Variants in ARL15 observed in about 807,000 individuals in gnomAD.
ARL15 encodes the protein ADP-ribosylation factor-like protein 15.
A neutral mutation model predicts 25.2 loss-of-function variants in ARL15; 19 were observed. The observed-to-expected ratio is 0.75, with a 90% CI of 0.53 to 1.10. The LOEUF (loss-of-function observed/expected upper bound fraction) is 1.10, where lower values mean the gene tolerates loss of function less well. Among genes scored for constraint, ARL15 ranks in the 50% least tolerant of loss-of-function variants. The pLI is 0.00. For synonymous variants in ARL15, 94 were observed against 86.8 expected (o/e 1.08, Z -0.46); for missense variants, 220 against 246.0 (o/e 0.89, Z 0.71).
chr5:54,054,911 C>T (rs983271556), intron 4 of ARL15, among the ~76,000 whole-genome samples: 3 of 152,178 alleles, frequency 2.0e-5, no homozygotes, highest in Non-Finnish European at 4.4e-5. Context: ...TTTCCAGTCA[C>T]ACCAAACTTC....
chr5:54,113,560 G>C, intron 3 of ARL15, 150 bp from the exon 4 acceptor site: 1 of 755,916 alleles, frequency 1.3e-6, no homozygotes, highest in Non-Finnish European at 2.1e-6. Context: ...ATTTAGAAAA[G>C]GCAGAAATCA....
intron 4 of ARL15, among the ~76,000 whole-genome samples, chr5:53,905,897 T>C (rs766843942): frequency 2.2e-4 from 34 of 152,140 alleles, no homozygotes; most frequent in Admixed American, 6.5e-4. Context: ...TAGTTCCTGA[T>C]ACCCTGTCAC....
rs3836819 is a variant in ARL15, at chr5:54,025,649, A to ATTTGTTTG, written c.462+87545_462+87552dup. Among the ~76,000 whole-genome samples the ATTTGTTTG allele has an allele frequency of 4.0e-4, 61 of 151,116 alleles. 1 individual carries two copies. The highest frequency in any genetic ancestry group is 1.7e-3 in the South Asian group (8 of 4,798). ...AAAGATCCTATGCTACTGGCAAGTT[A>ATTTGTTTG]TTTGTTTGTTTGTTTGTTTGTTTGT... On this transcript the variant is annotated intron_variant, in intron 4 of 4. Transcript: ENST00000504924.
intron 2 of ARL15, among the ~76,000 whole-genome samples, chr5:54,164,033 C>T (rs1182863412): frequency 6.6e-6 from 1 of 151,930 alleles, no homozygotes; most frequent in Non-Finnish European, 1.5e-5. Flanking sequence ...ATAAACTTTT[C>T]TTAAAGTCCC....
intron 4 of ARL15, among the ~76,000 whole-genome samples, chr5:54,097,373 C>T (rs1238508806): frequency 1.3e-5 from 2 of 151,820 alleles, no homozygotes; most frequent in Non-Finnish European, 2.9e-5. Flanking sequence ...AATAACACTG[C>T]CATTTGTTTA....
chr5:54,094,269 T>C lies in ARL15; in HGVS notation c.462+18933A>G, dbSNP rs77673392. 5.3e-3 allele frequency among the ~76,000 whole-genome samples: 808 copies of C among 152,302 alleles called. 10 individuals carry two copies. Among genetic ancestry groups the C allele is most frequent in the African/African-American group, 0.018 (752 of 41,572 alleles). On this transcript the variant is annotated intron_variant, in intron 4 of 4. Coordinates refer to ENST00000504924, the MANE Select transcript of ARL15 (RefSeq NM_019087.3). Reference sequence around the variant, plus strand: ...ATTGCCATATTTTCCCAATACCTAATAGTACTTCAATTTCTTAAAATACAG... The same window carrying C: ...ATTGCCATATTTTCCCAATACCTAACAGTACTTCAATTTCTTAAAATACAG...
chr5:54,243,953 T>C (rs1757022327), intron 1 of ARL15, among the ~76,000 whole-genome samples: 1 of 152,170 alleles, frequency 6.6e-6, no homozygotes, highest in Non-Finnish European at 1.5e-5. Context: ...ACTGAGCAAG[T>C]ATGGGCTGGA....
intron 1 of ARL15, among the ~76,000 whole-genome samples, chr5:54,283,600 C>T (rs1190846974): frequency 6.6e-6 from 1 of 152,178 alleles, no homozygotes; most frequent in African/African-American, 2.4e-5. Flanking sequence ...GCCCTGGCAT[C>T]CTCAGAGCCC....
chr5:54,308,582 C>T (rs1322677129), intron 1 of ARL15, among the ~76,000 whole-genome samples: 1 of 152,158 alleles, frequency 6.6e-6, no homozygotes, highest in African/African-American at 2.4e-5. Context: ...AAATTTGTGA[C>T]CTGTTGATTT....
chr5:54,112,064 T>C (rs1393182528), intron 4 of ARL15, among the ~76,000 whole-genome samples: 1 of 152,166 alleles, frequency 6.6e-6, no homozygotes, highest in Non-Finnish European at 1.5e-5. Context: ...TAATGCTGAA[T>C]GAGGCAACTA....
chr5:54,059,784 A>G (rs544421480), intron 4 of ARL15, among the ~76,000 whole-genome samples: 3 of 152,286 alleles, frequency 2.0e-5, no homozygotes, highest in African/African-American at 7.2e-5. Flanking sequence ...CTCCTTCAGC[A>G]CTATTGAGGC....
chr5:54,156,817 G>C (rs968782066), intron 2 of ARL15, among the ~76,000 whole-genome samples: 4 of 152,180 alleles, frequency 2.6e-5, no homozygotes, highest in Admixed American at 1.3e-4. Flanking sequence ...CAGGAGGAAA[G>C]AGGAGGCAGT....
At chr5:54,054,055 T>G (rs1750782019) in intron 4 of ARL15, among the ~76,000 whole-genome samples, 1 of 152,190 alleles carries the variant, frequency 6.6e-6, no homozygotes, top group African/African-American at 2.4e-5. Context: ...AAAATAGAGT[T>G]TATTTAATAA....
intron 4 of ARL15, among the ~76,000 whole-genome samples, chr5:53,958,426 A>G (rs1207995940): frequency 6.6e-6 from 1 of 152,192 alleles, no homozygotes; most frequent in Non-Finnish European, 1.5e-5. Context: ...GTCTTTAAAA[A>G]ATCACAAAAG....
At chr5:53,928,166 AGAGTT>A (rs1746092121) in intron 4 of ARL15, among the ~76,000 whole-genome samples, 1 of 152,180 alleles carries the variant, frequency 6.6e-6, no homozygotes, top group South Asian at 2.1e-4. Context: ...ACTTTTGATT[AGAGTT>A]AAGATTCGGA....
At chr5:53,995,183 A>C (rs11746045) in intron 4 of ARL15, among the ~76,000 whole-genome samples, 41,262 of 151,392 alleles carry the variant, frequency 0.27, 5,826 homozygotes, top group East Asian at 0.46. Flanking sequence ...GTGGTGGGTG[A>C]CTGTAATCCC....
At chr5:53,991,007 A>G (rs1748471622) in intron 4 of ARL15, among the ~76,000 whole-genome samples, 1 of 152,082 alleles carries the variant, frequency 6.6e-6, no homozygotes, top group Non-Finnish European at 1.5e-5. Context: ...CTTTTAATAT[A>G]GTCTTTTCAT....
At chr5:53,959,512 A>C (rs1001435004) in intron 4 of ARL15, among the ~76,000 whole-genome samples, 5 of 152,192 alleles carry the variant, frequency 3.3e-5, no homozygotes, top group African/African-American at 4.8e-5. Flanking sequence ...GGTTCTAATA[A>C]ATTTTATGTA....
At chr5:53,925,038 C>T (rs1246332540) in intron 4 of ARL15, among the ~76,000 whole-genome samples, 1 of 148,934 alleles carries the variant, frequency 6.7e-6, no homozygotes, top group Non-Finnish European at 1.5e-5. Context: ...TTAATAAAAT[C>T]TGTTTCCTCC....
Sources: allele counts gnomAD v4.1 joint callset (sites outside exome capture counted in the v4.1 genomes callset), GRCh38; gene constraint gnomAD v4.1.1; transcripts MANE v1.5; gene names NCBI Gene and HGNC (gene_info 2026-07-23, HGNC 2026-07-21).